TSC2: variants seen among roughly 807,000 people sequenced by gnomAD.
The protein encoded by TSC2 is TSC complex subunit 2.
Under a neutral mutation model 202.2 loss-of-function variants are expected in TSC2, and 29 were observed. The ratio of observed to expected loss-of-function variants is 0.14; its 90% CI spans 0.11 to 0.20. The LOEUF (loss-of-function observed/expected upper bound fraction) is 0.20, where lower values mean the gene tolerates loss of function less well. Ranked by LOEUF, TSC2 falls within the 10% of genes least tolerant of loss-of-function variation. The pLI, the probability that TSC2 is intolerant of heterozygous loss-of-function variation, is 1.00. For synonymous variants in TSC2, 1,349 were observed against 1,044.0 expected, an observed-to-expected ratio of 1.29 and a Z score of -5.63; for missense variants, 2,429 against 2,420.0, an observed-to-expected ratio of 1.00 and a Z score of -0.08.
At chr16:2,054,123 G>T in intron 4 of TSC2, 173 bp from the exon 5 acceptor site, 2 of 1,023,948 alleles carry the variant, frequency 2.0e-6, no homozygotes, top group Non-Finnish European at 2.9e-6. Context: ...GGTGCATCCG[G>T]CCCCCTGCCC....
rs375002867 is a variant in TSC2 at position 2,083,587 on chromosome 16, G to A, written c.3884-108G>A. ...AGTAAGCAGAGCCCTGGGGAGGCTC[G>A]CAGGGCTGCTGTCCCTCTGGTCAGG... is the stretch of plus-strand genomic sequence containing the variant. On this transcript the variant is annotated intron_variant, in intron 32 of 41. Transcript: ENST00000219476. 1.1e-5 allele frequency: 16 copies of A among 1,521,760 alleles called. No individual in the cohort carries two copies. In the Admixed American group the frequency reaches 1.4e-4, roughly 13 times the overall value. The allele number at this position is 1,521,760 out of a possible 1,614,324, so 94.3% of individuals were successfully genotyped here. A position where few individuals can be genotyped will look rare whatever the true frequency, so the allele number is the denominator to read the frequency against.
chr16:2,087,842 C>T (rs775342211), intron 38 of TSC2, 21 bp from the exon 39 acceptor site: 1 of 1,611,986 alleles, frequency 6.2e-7, no homozygotes, highest in Non-Finnish European at 8.5e-7. Flanking sequence ...GCGGGGATGA[C>T]CCTTTCTCTT....
intron 3 of TSC2, among the ~76,000 whole-genome samples, chr16:2,052,124 G>A (rs1276180069): frequency 1.3e-5 from 2 of 151,966 alleles, no homozygotes; most frequent in Non-Finnish European, 2.9e-5. Context: ...GTGTGGGTAC[G>A]GGGCAGCCTG....
chr16:2,054,272 T>C lies in TSC2; in HGVS notation c.337-24T>C. 4 of 1,614,128 alleles carry C rather than the reference T, an allele frequency of 2.5e-6. No homozygotes were observed. In the South Asian group the frequency reaches 3.3e-5, roughly 13 times the overall value. ...TGTGGGCGACGCTGGCAGGCTCTGC[T>C]GATCCTGTGGCTTTTGTCTTTAGGG... On this transcript the variant is annotated intron_variant, in intron 4 of 41. Transcript: ENST00000219476.
In TSC2 at chr16:2,084,637, G is replaced by T. The variant is rs2090534118; in HGVS notation, c.4415G>T (p.Gly1472Val). The change falls in exon 34 of 42, where the codon GGC (glycine) becomes GTC (valine). Residue 1472 changes from glycine to valine, a missense_variant. Coordinates refer to ENST00000219476, the MANE Select transcript of TSC2 (RefSeq NM_000548.5). ...TCCGACTCGGCCCCATCACGCAGGGGCAAGAGAGTAGAGAGGGACGCCTTA... is the reference window on the plus strand; with the variant it reads ...TCCGACTCGGCCCCATCACGCAGGGTCAAGAGAGTAGAGAGGGACGCCTTA... ...TISDSAPSRR[G>V]KRVERDALKS... 4.4e-6 allele frequency: 7 copies of T among 1,600,222 alleles called. No individual in the cohort carries two copies. The highest frequency in any genetic ancestry group is 5.9e-6 in the Non-Finnish European group (7 of 1,179,842).
chr16:2,050,470 C>A lies in TSC2; in HGVS notation c.209C>A (p.Thr70Asn), dbSNP rs1013995962. 1.2e-5 allele frequency: 20 copies of A among 1,613,704 alleles called. No individual in the cohort carries two copies. Among genetic ancestry groups the A allele is most frequent in the South Asian group, 2.2e-5 (2 of 91,074 alleles). The change falls in exon 3 of 42, where the codon ACC (threonine) becomes AAC (asparagine). Residue 70 changes from threonine to asparagine, a missense_variant. Coordinates refer to ENST00000219476, the MANE Select transcript of TSC2 (RefSeq NM_000548.5). ...GGGCAGATTTGTGAAGTCGCAAAAA[C>A]CAAGAAATTTGAAGAGGTAGGTTTA... is the stretch of plus-strand genomic sequence containing the variant. ...MIGQICEVAKTKKFEEHAVEA... is the reference protein window; with the variant it reads ...MIGQICEVAKNKKFEEHAVEA...
intron 30 of TSC2, 125 bp from the exon 31 acceptor site, chr16:2,081,470 G>A (rs2090134570): frequency 3.2e-6 from 4 of 1,244,094 alleles, no homozygotes; most frequent in East Asian, 4.7e-5. Context: ...CGACATCGTG[G>A]TCCTGAGGAT....
intron 31 of TSC2, 80 bp downstream of exon 31, chr16:2,081,878 C>T: frequency 3.2e-6 from 5 of 1,545,632 alleles, no homozygotes; most frequent in Non-Finnish European, 4.4e-6. Flanking sequence ...TGGCTCCTCT[C>T]TGCTGAGGGC....
At position 2,089,372 on chromosome 16, in the gene TSC2, A is replaced by C; in HGVS notation, c.*762A>C. ...GGGCAGGGTGGCGGCGGTGCAGGCT[A>C]ACCCTCCCTGAAGCCAGCAGCCTTA... On this transcript the variant is annotated 3_prime_UTR_variant, in exon 42 of 42. Coordinates refer to ENST00000219476, the MANE Select transcript of TSC2 (RefSeq NM_000548.5). The C allele has an allele frequency of 2.6e-6, 1 of 385,866 alleles. No homozygotes were observed. The highest frequency in any genetic ancestry group is 4.8e-6 in the Non-Finnish European group (1 of 209,642). The allele number at this position is 385,866 out of a possible 1,614,324, so 23.9% of individuals were successfully genotyped here. A position where few individuals can be genotyped will look rare whatever the true frequency, so the allele number is the denominator to read the frequency against.
intron 8 of TSC2, 160 bp downstream of exon 8, chr16:2,056,929 C>T (rs1311481318): frequency 5.7e-6 from 8 of 1,403,346 alleles, no homozygotes; most frequent in Non-Finnish European, 7.9e-6. Flanking sequence ...GAGCTGAGGT[C>T]AGGGTTTTGG....
At position 2,072,336 on chromosome 16, in the gene TSC2, C is replaced by T. The variant is rs760053529; in HGVS notation, c.2193C>T (p.Asp731=). 4.3e-6 allele frequency: 7 copies of T among 1,614,138 alleles called. No individual in the cohort carries two copies. The highest frequency in any genetic ancestry group is 5.1e-6 in the Non-Finnish European group (6 of 1,180,032). ...TCTTTACTTCCCCTTGCAGTGTGGA[C>T]CAGCTGTGCTCTGCTCTCTGCTCCA... The part of the protein sequence containing the change: ...VLIFTSPCSV[D]QLCSALCSML... Residue 731 remains aspartate, a synonymous_variant, in exon 20 of 42, where the codon GAC becomes GAT. Transcript: ENST00000219476.
At chr16:2,054,958 G>A in intron 5 of TSC2, 1 of 333,844 alleles carries the variant, frequency 3.0e-6, no homozygotes, top group Non-Finnish European at 5.8e-6. Flanking sequence ...TGGCTGGGCT[G>A]CCTGCAGGAC....
rs1284083563 is a variant in TSC2 at position 2,076,112 on chromosome 16, T to C, written c.2684T>C (p.Met895Thr). The C allele has an allele frequency of 2.5e-6, 4 of 1,613,878 alleles. No individual in the cohort carries two copies. In the Admixed American group the frequency reaches 5.0e-5, roughly 20 times the overall value. ...TGTCTGGCCCATCACGTCATAGCCA[T>C]GTGGTTCATCAGGTGCCGCCTGCCC... ...IVCLAHHVIA[M>T]WFIRCRLPFR... The change falls in exon 24 of 42, where the codon ATG (methionine) becomes ACG (threonine). Residue 895 changes from methionine to threonine, a missense_variant. Coordinates refer to ENST00000219476, the MANE Select transcript of TSC2 (RefSeq NM_000548.5).
Position 2,062,620 on chromosome 16 carries a change from C to T in TSC2, c.1361+20C>T. 6.3e-7 allele frequency: 1 copy of T among 1,589,900 alleles called. No homozygotes were observed. Among genetic ancestry groups the T allele is most frequent in the Non-Finnish European group, 8.6e-7 (1 of 1,167,046 alleles). On this transcript the variant is annotated intron_variant, in intron 13 of 41. Coordinates refer to ENST00000219476, the MANE Select transcript of TSC2 (RefSeq NM_000548.5). ...CTTCAGGTAGGGGGTCCTCTGTAGC[C>T]TTGCCTGGCACCTGGAGCCTGGCCC...
chr16:2,076,195 G>A (rs375463112), intron 24 of TSC2, 25 bp downstream of exon 24: 3 of 1,613,108 alleles, frequency 1.9e-6, no homozygotes, highest in East Asian at 2.2e-5. Context: ...GGTGAAGGCT[G>A]TGTCTCTCGG....
chr16:2,089,303 A>T lies in TSC2; in HGVS notation c.*693A>T, dbSNP rs2091332165. The T allele has an allele frequency of 1.2e-5, 3 of 240,348 alleles. No individual in the cohort carries two copies. In the South Asian group the frequency reaches 2.6e-4, roughly 21 times the overall value. The allele number at this position is 240,348 out of a possible 1,614,324, so 14.9% of individuals were successfully genotyped here. A position where few individuals can be genotyped will look rare whatever the true frequency, so the allele number is the denominator to read the frequency against. ...TTACTGACACGAGACACACAGTGAGACGGTGCAGGGAGTACGGTAGGAACT... is the reference window on the plus strand; with the variant it reads ...TTACTGACACGAGACACACAGTGAGTCGGTGCAGGGAGTACGGTAGGAACT... On this transcript the variant is annotated 3_prime_UTR_variant, in exon 42 of 42. Coordinates refer to ENST00000219476, the MANE Select transcript of TSC2 (RefSeq NM_000548.5).
At position 2,071,626 on chromosome 16, in the gene TSC2, A is replaced by C. The variant is rs2151299741; in HGVS notation, c.1946+10A>C. 1 of 1,612,852 alleles carries C rather than the reference A, an allele frequency of 6.2e-7. No homozygotes were observed. Among genetic ancestry groups the C allele is most frequent in the Non-Finnish European group, 8.5e-7 (1 of 1,179,876 alleles). Reference sequence around the variant, plus strand: ...GCGTCTGCGACTACATGTACGCGGGACCTCGCCCACGGCCCATGAGGCTCA... The same window carrying C: ...GCGTCTGCGACTACATGTACGCGGGCCCTCGCCCACGGCCCATGAGGCTCA... On this transcript the variant is annotated intron_variant, in intron 18 of 41. Transcript: ENST00000219476.
intron 8 of TSC2, 26 bp downstream of exon 8, chr16:2,056,795 A>C: frequency 6.2e-7 from 1 of 1,603,982 alleles, no homozygotes; most frequent in South Asian, 1.1e-5. Flanking sequence ...CTGCTCTGGA[A>C]GGTTCCTGAG....
Position 2,054,391 on chromosome 16 carries a change from G to T in TSC2, c.432G>T (p.Lys144Asn), listed in dbSNP as rs2085509615. Residue 144 changes from lysine (K) to asparagine (N), a missense_variant, in exon 5 of 42, where the codon AAG (lysine) becomes AAT (asparagine). Coordinates refer to ENST00000219476, the MANE Select transcript of TSC2 (RefSeq NM_000548.5). ...TTCACGAAAGGCTGGAGGTTTTCAA[G>T]GCCCTCACAGACAATGGGAGACACA... ...EDLHERLEVF[K>N]ALTDNGRHIT... 1 of 1,614,230 alleles carries T rather than the reference G, an allele frequency of 6.2e-7. No homozygotes were observed. Among genetic ancestry groups the T allele is most frequent in the Non-Finnish European group, 8.5e-7 (1 of 1,180,036 alleles).
Sources: allele counts gnomAD v4.1 joint callset (sites outside exome capture counted in the v4.1 genomes callset), GRCh38; gene constraint gnomAD v4.1.1; transcripts MANE v1.5; gene names NCBI Gene and HGNC (gene_info 2026-07-23, HGNC 2026-07-21).